PPARGC1A: variants seen among roughly 807,000 people sequenced by gnomAD.
PPARGC1A encodes the protein PPARG coactivator 1 alpha, also known as peroxisome proliferator-activated receptor gamma coactivator 1-alpha.
Under a neutral mutation model 88.7 loss-of-function variants are expected in PPARGC1A, and 25 were observed. That is an observed-to-expected ratio of 0.28 (90% CI 0.21 to 0.39). The LOEUF is 0.39. Ranked by LOEUF, PPARGC1A falls within the 10% of genes least tolerant of loss-of-function variation. The probability of loss-of-function intolerance (pLI) is 1.00; values close to 1 mark genes in which losing one functional copy is unlikely to be tolerated. For synonymous variants in PPARGC1A, 363 were observed against 355.6 expected (o/e 1.02, Z -0.24); for missense variants, 880 against 968.7 (o/e 0.91, Z 1.22).
the PPARGC1A span, among the ~76,000 whole-genome samples, chr4:23,997,897 C>A: frequency 2.0e-5 from 3 of 152,084 alleles, no homozygotes; most frequent in Admixed American, 2.0e-4. Context: ...AGCTTCAGTG[C>A]CATAAAGCTA....
the PPARGC1A span, among the ~76,000 whole-genome samples, chr4:24,058,864 G>A: frequency 6.6e-6 from 1 of 152,178 alleles, no homozygotes; most frequent in African/African-American, 2.4e-5. Flanking sequence ...AGAATCGCTT[G>A]AACCCAGAAG....
the PPARGC1A span, among the ~76,000 whole-genome samples, chr4:24,150,317 C>G: frequency 6.6e-6 from 1 of 152,138 alleles, no homozygotes; most frequent in Non-Finnish European, 1.5e-5. Flanking sequence ...TAAAAGGGCA[C>G]TCTATGTAAA....
the PPARGC1A span, among the ~76,000 whole-genome samples, chr4:23,990,607 TC>T: frequency 6.6e-6 from 1 of 152,038 alleles, no homozygotes; most frequent in East Asian, 1.9e-4. Context: ...TGAGAAGCAT[TC>T]AACATTTCCT....
the PPARGC1A span, among the ~76,000 whole-genome samples, chr4:24,040,076 CT>C: frequency 6.6e-6 from 1 of 152,190 alleles, no homozygotes; most frequent in Non-Finnish European, 1.5e-5. Context: ...GTTTGAACAA[CT>C]GAATTTCTGT....
chr4:24,021,520 G>A, the PPARGC1A span, among the ~76,000 whole-genome samples: 1 of 149,754 alleles, frequency 6.7e-6, no homozygotes, highest in African/African-American at 2.5e-5. Flanking sequence ...TAGTGGGGTA[G>A]GGAGGGTGAG....
chr4:24,128,548 G>GTGTGTGTC, the PPARGC1A span, among the ~76,000 whole-genome samples: 1 of 147,804 alleles, frequency 6.8e-6, no homozygotes, highest in African/African-American at 2.6e-5. Flanking sequence ...GTGTGTGTGT[G>GTGTGTGTC]TGTGTGTGTG....
chr4:23,865,058 G>A (rs770303626), intron 2 of PPARGC1A, among the ~76,000 whole-genome samples: 1 of 152,094 alleles, frequency 6.6e-6, no homozygotes, highest in Non-Finnish European at 1.5e-5. Flanking sequence ...GGTAGTGCTC[G>A]CCTGTAATCC....
chr4:24,293,815 G>A, the PPARGC1A span, among the ~76,000 whole-genome samples: 1 of 151,746 alleles, frequency 6.6e-6, no homozygotes, highest in Non-Finnish European at 1.5e-5. Flanking sequence ...CATTGTTACA[G>A]GCACAAACAC....
At chr4:24,080,564 G>A in the PPARGC1A span, among the ~76,000 whole-genome samples, 8 of 152,074 alleles carry the variant, frequency 5.3e-5, no homozygotes, top group African/African-American at 1.4e-4. Flanking sequence ...GAGTGAAACT[G>A]TAGACACCCT....
chr4:24,007,629 T>G, the PPARGC1A span, among the ~76,000 whole-genome samples: 1 of 152,098 alleles, frequency 6.6e-6, no homozygotes, highest in Non-Finnish European at 1.5e-5. Context: ...GATTTAAGTA[T>G]AGCTTTGAGA....
At chr4:24,234,962 G>T in the PPARGC1A span, among the ~76,000 whole-genome samples, 9 of 152,214 alleles carry the variant, frequency 5.9e-5, no homozygotes, top group African/African-American at 1.9e-4. Flanking sequence ...GTTAGCCTCT[G>T]CAAGAACTCC....
At chr4:23,902,269 G>A (rs760242231), upstream of PPARGC1A, among the ~76,000 whole-genome samples, 3 of 151,996 alleles carry the variant, frequency 2.0e-5, no homozygotes, top group Non-Finnish European at 4.4e-5. Flanking sequence ...TTTGCATTTG[G>A]TCTTCAAGTA....
chr4:23,933,196 A>G, the PPARGC1A span, among the ~76,000 whole-genome samples: 1 of 152,160 alleles, frequency 6.6e-6, no homozygotes, highest in Non-Finnish European at 1.5e-5. Flanking sequence ...ACAGAAAACA[A>G]CCACAAAGAA....
At chr4:23,905,038 G>A (rs1331474406), upstream of PPARGC1A, among the ~76,000 whole-genome samples, 1 of 152,128 alleles carries the variant, frequency 6.6e-6, no homozygotes, top group Non-Finnish European at 1.5e-5. Context: ...CACAGTAAGT[G>A]GCATGAAAGG....
chr4:23,869,213 T>C (rs898153158), intron 2 of PPARGC1A, among the ~76,000 whole-genome samples: 2 of 151,960 alleles, frequency 1.3e-5, no homozygotes, highest in Non-Finnish European at 2.9e-5. Flanking sequence ...ACGACAGCCA[T>C]AAAGAGAAAG....
chr4:23,902,652 T>C (rs1229855486), upstream of PPARGC1A, among the ~76,000 whole-genome samples: 5 of 152,142 alleles, frequency 3.3e-5, no homozygotes, highest in Non-Finnish European at 7.3e-5. Flanking sequence ...CAACACCAAG[T>C]ATGCAAAGTC....
At chr4:24,387,929 A>AGAAG in the PPARGC1A span, among the ~76,000 whole-genome samples, 1 of 27,758 alleles carries the variant, frequency 3.6e-5, no homozygotes, top group Non-Finnish European at 9.3e-5. Context: ...AAAGAAAGAA[A>AGAAG]GAAAGAGAAA....
At chr4:24,172,521 T>C in the PPARGC1A span, among the ~76,000 whole-genome samples, 1 of 152,020 alleles carries the variant, frequency 6.6e-6, no homozygotes, top group Non-Finnish European at 1.5e-5. Context: ...CTCTCTAGAG[T>C]GGAGATTCCC....
At chr4:23,980,233 T>C in the PPARGC1A span, among the ~76,000 whole-genome samples, 1 of 151,718 alleles carries the variant, frequency 6.6e-6, no homozygotes, top group African/African-American at 2.4e-5. Flanking sequence ...GCTTGGTCTT[T>C]ATTTTCTTCC....
Sources: allele counts gnomAD v4.1 joint callset (sites outside exome capture counted in the v4.1 genomes callset), GRCh38; gene constraint gnomAD v4.1.1; transcripts MANE v1.5; gene names NCBI Gene and HGNC (gene_info 2026-07-23, HGNC 2026-07-21).